The following PROC variants were observed in gnomAD, a reference collection of about 807,000 sequenced individuals.
PROC encodes the protein vitamin K-dependent protein C.
In PROC, 22 loss-of-function variants were observed where a neutral mutation model predicts 36.3. The ratio of observed to expected loss-of-function variants is 0.61; its 90% confidence interval spans 0.43 to 0.86. PROC has a LOEUF of 0.86. Ranked by LOEUF, PROC falls within the 40% of genes least tolerant of loss-of-function variation. The pLI, the probability that PROC is intolerant of heterozygous loss-of-function variation, is 0.00. For missense variants in PROC, 526 were observed against 629.7 expected, an observed-to-expected ratio of 0.84 and a Z score of 1.76; for synonymous variants, 218 against 244.5, an observed-to-expected ratio of 0.89 and a Z score of 1.01.
chr2:127,419,956 C>G lies in PROC; in HGVS notation c.14C>G (p.Thr5Arg), dbSNP rs759805372. ...AGTGCCTCCAGAATGTGGCAGCTCA[C>G]AAGCCTCCTGCTGTTCGTGGCCACC... The part of the protein sequence containing the change: MWQL[T>R]SLLLFVATWG... The change falls in exon 2 of 9, where the codon ACA (threonine) becomes AGA (arginine). Residue 5 changes from threonine (T) to arginine (R), a missense_variant. Thr to Arg is a moderately conservative substitution (Grantham distance 71, BLOSUM62 -1). Coordinates refer to ENST00000234071, the MANE Select transcript of PROC (RefSeq NM_000312.4). 1.9e-6 allele frequency: 3 copies of G among 1,613,978 alleles called. No homozygotes were observed. Among genetic ancestry groups the G allele is most frequent in the Non-Finnish European group, 2.5e-6 (3 of 1,180,024 alleles).
intron 2 of PROC, among the ~76,000 whole-genome samples, chr2:127,420,618 C>T (rs1688038073): frequency 6.6e-6 from 1 of 152,056 alleles, no homozygotes; most frequent in African/African-American, 2.4e-5. Context: ...TGCCTTTTCC[C>T]CCATCCCTTC....
At position 127,428,407 on chromosome 2, in the gene PROC, AAGG is replaced by A. The variant is rs752654447; in HGVS notation, c.851_853del (p.Glu284del). ...GAAGTGGGAGCTGGACCTGGACATC[AAGG>A]AGGTCTTCGTCCACCCCAACTACAG... On this transcript the variant is annotated inframe_deletion, in exon 9 of 9. Coordinates refer to ENST00000234071, the MANE Select transcript of PROC (RefSeq NM_000312.4). The A allele has an allele frequency of 6.2e-7, 1 of 1,614,096 alleles. No individual in the cohort carries two copies.
intron 2 of PROC, 99 bp downstream of exon 2, chr2:127,420,111 C>T (rs1688003214): frequency 2.9e-6 from 4 of 1,380,466 alleles, no homozygotes; most frequent in Non-Finnish European, 4.1e-6. Context: ...TCTCTCTGAG[C>T]CCTGGGTGAG....
Position 127,428,495 on chromosome 2 carries a change from C to T in PROC, c.935C>T (p.Ser312Leu), listed in dbSNP as rs121918160. 10 of 1,614,154 alleles carry T rather than the reference C, an allele frequency of 6.2e-6. No homozygotes were observed. Among genetic ancestry groups the T allele is most frequent in the Middle Eastern group, 1.6e-4 (1 of 6,062 alleles). The change falls in exon 9 of 9, where the codon TCG becomes TTG. Residue 312 changes from serine to leucine, a missense_variant. Ser to Leu is a moderately radical substitution (Grantham distance 145). Coordinates refer to ENST00000234071, the MANE Select transcript of PROC (RefSeq NM_000312.4). ...CACCTGGCCCAGCCCGCCACCCTCT[C>T]GCAGACCATAGTGCCCATCTGCCTC... Reference protein sequence around the residue: ...LLHLAQPATLSQTIVPICLPD... With the variant: ...LLHLAQPATLLQTIVPICLPD...
At chr2:127,427,772 C>G (rs1688615830) in intron 8 of PROC, among the ~76,000 whole-genome samples, 1 of 152,228 alleles carries the variant, frequency 6.6e-6, no homozygotes, top group African/African-American at 2.4e-5. Flanking sequence ...TGAGAAAGGC[C>G]AAATTCACAT....
chr2:127,426,456 G>A lies in PROC; in HGVS notation c.678+229G>A, dbSNP rs888299525. 6 of 600,778 alleles carry A rather than the reference G, an allele frequency of 1.0e-5. No homozygotes were observed. The highest frequency in any genetic ancestry group is 9.3e-5 in the African/African-American group (5 of 53,944). 37.2% of individuals were successfully genotyped at this position (600,778 alleles called of 1,614,324 possible). ...TGGGGGCATGGAGGGGTCTGCAGGAGGGAGGGTTACAGTTTCTAAAAAGAG... is the reference window on the plus strand; with the variant it reads ...TGGGGGCATGGAGGGGTCTGCAGGAAGGAGGGTTACAGTTTCTAAAAAGAG... On this transcript the variant is annotated intron_variant, in intron 7 of 8. Transcript: ENST00000234071. The surrounding 1 kb of genome is among the most constrained non-coding windows in gnomAD (Gnocchi z 7.0).
intron 8 of PROC, 77 bp downstream of exon 8, chr2:127,427,299 G>GA: frequency 7.6e-7 from 1 of 1,315,066 alleles, no homozygotes; most frequent in Non-Finnish European, 1.1e-6. Flanking sequence ...CAGGTTTGGG[G>GA]GACCCCGCTC....
At position 127,421,354 on chromosome 2, in the gene PROC, G is replaced by A; in HGVS notation, c.142G>A (p.Glu48Lys). Residue 48 changes from glutamate (E) to lysine (K), a missense_variant, in exon 3 of 9, where the codon GAG becomes AAG. Coordinates refer to ENST00000234071, the MANE Select transcript of PROC (RefSeq NM_000312.4). ...CCGCAAACGTGCCAACTCCTTCCTG[G>A]AGGAGCTCCGTCACAGCAGCCTGGA... Reference protein sequence around the residue: ...RIRKRANSFLEELRHSSLERE... With the variant: ...RIRKRANSFLKELRHSSLERE... 1 of 1,613,922 alleles carries A rather than the reference G, an allele frequency of 6.2e-7. No individual in the cohort carries two copies. The highest frequency in any genetic ancestry group is 8.5e-7 in the Non-Finnish European group (1 of 1,179,938).
At chr2:127,421,706 G>T (rs1688103576) in intron 3 of PROC, among the ~76,000 whole-genome samples, 1 of 152,156 alleles carries the variant, frequency 6.6e-6, no homozygotes, top group Non-Finnish European at 1.5e-5. Flanking sequence ...AGTGTAGGTG[G>T]TTCAGTCCAC....
intron 2 of PROC, 38 bp downstream of exon 2, chr2:127,420,050 C>T (rs745509618): frequency 4.4e-6 from 7 of 1,603,044 alleles, no homozygotes; most frequent in Admixed American, 3.3e-5. Context: ...ACCCTTGTGG[C>T]CTCTACAAGG....
chr2:127,421,215 C>A (rs1052229577), intron 2 of PROC, 68 bp from the exon 3 acceptor site: 16 of 1,529,078 alleles, frequency 1.0e-5, no homozygotes, highest in Non-Finnish European at 7.2e-6. Context: ...CTTCCTCAGA[C>A]CCCCTCATGG....
intron 6 of PROC, among the ~76,000 whole-genome samples, chr2:127,424,400 T>C (rs1688350091): frequency 6.6e-6 from 1 of 152,210 alleles, no homozygotes; most frequent in African/African-American, 2.4e-5. Flanking sequence ...GGTTTCTCCG[T>C]GTTGGTCAAG....
intron 3 of PROC, 57 bp from the exon 4 acceptor site, chr2:127,422,860 G>A (rs1056825648): frequency 6.5e-7 from 1 of 1,543,632 alleles, no homozygotes; most frequent in African/African-American, 1.4e-5. Flanking sequence ...CCCCACCCGG[G>A]CGCGCCCCCT....
chr2:127,422,454 T>C (rs1215437517), intron 3 of PROC, among the ~76,000 whole-genome samples: 1 of 152,216 alleles, frequency 6.6e-6, no homozygotes, highest in Non-Finnish European at 1.5e-5. Flanking sequence ...GCAGCAACCC[T>C]GGTACCTGGT....
intron 3 of PROC, among the ~76,000 whole-genome samples, chr2:127,422,009 G>C (rs1048692382): frequency 6.6e-6 from 1 of 152,182 alleles, no homozygotes; most frequent in Non-Finnish European, 1.5e-5. Context: ...GCTTGGTAAC[G>C]GGGCTGGCTT....
Position 127,429,116 on chromosome 2 carries a change from G to T in PROC, c.*170G>T, listed in dbSNP as rs563767423. Reference sequence around the variant, plus strand: ...TTGTATGTCACATGCCTTATGAATAGAATCTTAACTCCTAGAGCAACTCTG... The same window carrying T: ...TTGTATGTCACATGCCTTATGAATATAATCTTAACTCCTAGAGCAACTCTG... On this transcript the variant is annotated 3_prime_UTR_variant, in exon 9 of 9. Transcript: ENST00000234071. 9.4e-5 allele frequency: 71 copies of T among 751,858 alleles called. No individual in the cohort carries two copies. Among genetic ancestry groups the T allele is most frequent in the Admixed American group, 5.1e-5 (2 of 39,434 alleles). The allele number at this position is 751,858 out of a possible 1,614,324, so 46.6% of individuals were successfully genotyped here.
intron 1 of PROC, 64 bp from the exon 2 acceptor site, chr2:127,419,858 C>A: frequency 3.7e-6 from 6 of 1,612,212 alleles, no homozygotes; most frequent in Non-Finnish European, 5.1e-6. Flanking sequence ...CCGCTTCCAC[C>A]TGGGGGTGCA....
rs1343264503 is a variant in PROC, at chr2:127,428,461, G to T, written c.901G>T (p.Ala301Ser). The change falls in exon 9 of 9, where the codon GCA (alanine) becomes TCA (serine). Residue 301 changes from alanine (A) to serine (S), a missense_variant. Physicochemically the swap from Ala to Ser is moderately conservative, Grantham distance 99. Transcript: ENST00000234071. Reference sequence around the variant, plus strand: ...CAAGAGCACCACCGACAATGACATCGCACTGCTGCACCTGGCCCAGCCCGC... The same window carrying T: ...CAAGAGCACCACCGACAATGACATCTCACTGCTGCACCTGGCCCAGCCCGC... The part of the protein sequence containing the change: ...YSKSTTDNDI[A>S]LLHLAQPATL... 4 of 1,614,160 alleles carry T rather than the reference G, an allele frequency of 2.5e-6. No individual in the cohort carries two copies. Among genetic ancestry groups the T allele is most frequent in the South Asian group, 1.1e-5 (1 of 91,080 alleles).
Position 127,426,436 on chromosome 2 carries a change from G to A in PROC, c.678+209G>A, listed in dbSNP as rs2104971604. ...GGTGGGTGAGGGGAGGGGCATGGGGGCATGGAGGGGTCTGCAGGAGGGAGG... is the reference window on the plus strand; with the variant it reads ...GGTGGGTGAGGGGAGGGGCATGGGGACATGGAGGGGTCTGCAGGAGGGAGG... On this transcript the variant is annotated intron_variant, in intron 7 of 8. Coordinates refer to ENST00000234071, the MANE Select transcript of PROC (RefSeq NM_000312.4). This position sits in a 1 kb window ranked among gnomAD's most constrained non-coding sequence, Gnocchi z 7.0. 6.2e-6 allele frequency: 4 copies of A among 640,456 alleles called. No homozygotes were observed. The East Asian group carries it at 1.1e-4, about 18-fold the overall frequency. The allele number at this position is 640,456 out of a possible 1,614,324, so 39.7% of individuals were successfully genotyped here. A position where few individuals can be genotyped will look rare whatever the true frequency, so the allele number is the denominator to read the frequency against.
Sources: gnomAD v4.1 joint callset for allele counts (sites outside exome capture counted in the v4.1 genomes callset) on GRCh38, gnomAD v4.1.1 for gene constraint, Gnocchi (gnomAD v3.1) non-coding constraint, MANE v1.5 for transcripts, NCBI Gene and HGNC (gene_info 2026-07-23, HGNC 2026-07-21) for gene names.